Variants in RALYL observed in about 807,000 individuals in gnomAD.
RALYL encodes RNA-binding Raly-like protein.
Under a neutral mutation model 35.1 loss-of-function variants are expected in RALYL, and 29 were observed. That is an observed-to-expected ratio of 0.83 (90% CI 0.61 to 1.13). RALYL has a LOEUF of 1.13. Among genes scored for constraint, RALYL ranks in the 50% most tolerant of loss-of-function variants. RALYL has a pLI of 0.00. For synonymous variants in RALYL, 120 were observed against 127.6 expected (o/e 0.94, Z 0.40); for missense variants, 359 against 360.4 (o/e 1.00, Z 0.03).
chr8:84,532,074 A>G (rs1183581841), intron 2 of RALYL, among the ~76,000 whole-genome samples: 1 of 152,050 alleles, frequency 6.6e-6, no homozygotes, highest in Non-Finnish European at 1.5e-5. Flanking sequence ...TTGTGCCTGA[A>G]ACCAAGTCTT....
intron 2 of RALYL, among the ~76,000 whole-genome samples, chr8:84,540,364 G>A (rs2059939976): frequency 6.6e-6 from 1 of 151,348 alleles, no homozygotes; most frequent in South Asian, 2.1e-4. Flanking sequence ...ATTAAATTAA[G>A]GAAGTTATCT....
chr8:84,383,467 G>C (rs1858444279), intron 1 of RALYL, among the ~76,000 whole-genome samples: 1 of 151,510 alleles, frequency 6.6e-6, no homozygotes, highest in African/African-American at 2.4e-5. Flanking sequence ...GGGTATAGGA[G>C]GCTCCAGAGC....
chr8:84,817,529 C>A (rs1272919151), intron 4 of RALYL, among the ~76,000 whole-genome samples: 1 of 140,774 alleles, frequency 7.1e-6, no homozygotes, highest in Non-Finnish European at 1.5e-5. Context: ...AGTAACTAAT[C>A]TTTTATTATT....
intron 1 of RALYL, among the ~76,000 whole-genome samples, chr8:84,191,182 TTGTGTGTGTGTGTGTG>T (rs36011671): frequency 2.1e-5 from 3 of 145,704 alleles, no homozygotes; most frequent in Non-Finnish European, 4.5e-5. Context: ...GTGTGTGTGA[TTGTGTGTGTGTGTGTG>T]TGTGTGTGTG....
At chr8:84,851,549 A>T (rs933328102) in intron 5 of RALYL, among the ~76,000 whole-genome samples, 1 of 152,218 alleles carries the variant, frequency 6.6e-6, no homozygotes, top group African/African-American at 2.4e-5. Flanking sequence ...CAACAAAAAA[A>T]ACCTTAGGTA....
intron 2 of RALYL, among the ~76,000 whole-genome samples, chr8:84,710,457 A>G (rs1282013932): frequency 2.0e-5 from 3 of 151,944 alleles, no homozygotes; most frequent in African/African-American, 7.3e-5. Flanking sequence ...GCCCACCACC[A>G]TGGCTGGCTC....
At chr8:84,452,594 C>T (rs1264606350) in intron 1 of RALYL, among the ~76,000 whole-genome samples, 2 of 151,960 alleles carry the variant, frequency 1.3e-5, no homozygotes, top group East Asian at 1.9e-4. Flanking sequence ...ACAGGTAGTA[C>T]TCTTTAGAAG....
At chr8:84,890,327 A>G (rs1053329571) in intron 8 of RALYL, among the ~76,000 whole-genome samples, 6 of 152,300 alleles carry the variant, frequency 3.9e-5, no homozygotes, top group African/African-American at 1.4e-4. Context: ...ACAAACTAAG[A>G]TAAGTCAGAG....
chr8:84,227,605 A>T (rs1824259765), intron 1 of RALYL, among the ~76,000 whole-genome samples: 1 of 152,110 alleles, frequency 6.6e-6, no homozygotes, highest in Admixed American at 6.5e-5. Flanking sequence ...TTATTTTTAA[A>T]TTTTGATTTT....
intron 1 of RALYL, among the ~76,000 whole-genome samples, chr8:84,439,720 A>C (rs2132922181): frequency 6.6e-6 from 1 of 152,196 alleles, no homozygotes; most frequent in African/African-American, 2.4e-5. Context: ...AGTAATTAAA[A>C]CACAGTTCAG....
At chr8:84,675,440 A>G (rs1295491896) in intron 2 of RALYL, among the ~76,000 whole-genome samples, 1 of 152,164 alleles carries the variant, frequency 6.6e-6, no homozygotes, top group Non-Finnish European at 1.5e-5. Context: ...AACTGAATGG[A>G]ATAGACCTAA....
At chr8:84,596,744 A>G (rs960291731) in intron 2 of RALYL, among the ~76,000 whole-genome samples, 5 of 152,122 alleles carry the variant, frequency 3.3e-5, no homozygotes, top group African/African-American at 9.7e-5. Context: ...ATAATTCTGA[A>G]TCAGCTAATT....
chr8:84,479,136 G>C (rs1044073441), intron 1 of RALYL, among the ~76,000 whole-genome samples: 6 of 130,548 alleles, frequency 4.6e-5, no homozygotes, highest in Non-Finnish European at 9.7e-5. Flanking sequence ...TATACACAGG[G>C]TTCTGTATAT....
At chr8:84,306,817 G>C (rs537945860) in intron 1 of RALYL, among the ~76,000 whole-genome samples, 1 of 152,284 alleles carries the variant, frequency 6.6e-6, no homozygotes, top group East Asian at 1.9e-4. Context: ...ATCCTGAAGA[G>C]GTCAAGTTGA....
At chr8:84,301,549 G>A (rs1322378423) in intron 1 of RALYL, among the ~76,000 whole-genome samples, 1 of 152,050 alleles carries the variant, frequency 6.6e-6, no homozygotes, top group East Asian at 1.9e-4. Context: ...ATGACTGTAT[G>A]TTGAAACTCA....
rs1407697766 is a variant in RALYL, at chr8:84,467,392, C to T, written c.-23-61907C>T. Among the ~76,000 whole-genome samples, 24 of 151,990 alleles carry T rather than the reference C, an allele frequency of 1.6e-4. No individual in the cohort carries two copies. In the East Asian group the frequency reaches 2.7e-3, roughly 17 times the overall value. ...AACATCTTTATTTCTGCCTTCATTT[C>T]GTTATGTACCCAGTAGTCATTCAGG... On this transcript the variant is annotated intron_variant, in intron 1 of 8. Transcript: ENST00000521268.
intron 2 of RALYL, among the ~76,000 whole-genome samples, chr8:84,645,735 A>T (rs1028449549): frequency 6.6e-6 from 1 of 152,068 alleles, no homozygotes; most frequent in Non-Finnish European, 1.5e-5. Flanking sequence ...TGTGTTTTGC[A>T]CATTCAAAAC....
intron 2 of RALYL, among the ~76,000 whole-genome samples, chr8:84,661,942 GTTTT>G (rs201193434): frequency 7.2e-6 from 1 of 139,814 alleles, no homozygotes; most frequent in African/African-American, 2.6e-5. Flanking sequence ...TTTTGTTACT[GTTTT>G]TTTTTTTTTC....
chr8:84,223,522 G>A (rs894151205), intron 1 of RALYL, among the ~76,000 whole-genome samples: 1 of 152,162 alleles, frequency 6.6e-6, no homozygotes, highest in Non-Finnish European at 1.5e-5. Context: ...ATGATATGCA[G>A]AAAGAATGCC....
Sources: allele counts gnomAD v4.1 joint callset (sites outside exome capture counted in the v4.1 genomes callset), GRCh38; gene constraint gnomAD v4.1.1; transcripts MANE v1.5; gene names NCBI Gene and HGNC (gene_info 2026-07-23, HGNC 2026-07-21).